The following PARD6G variants were observed in gnomAD, a reference collection of about 807,000 sequenced individuals.
PARD6G encodes partitioning defective 6 homolog gamma.
A neutral mutation model predicts 10.7 loss-of-function variants in PARD6G; 7 were observed. That is an observed-to-expected ratio of 0.66 (90% CI 0.37 to 1.23). The LOEUF (loss-of-function observed/expected upper bound fraction) is 1.23, where lower values mean the gene tolerates loss of function less well. Among genes scored for constraint, PARD6G ranks in the 50% most tolerant of loss-of-function variants. The pLI, the probability that PARD6G is intolerant of heterozygous loss-of-function variation, is 0.02. For missense variants in PARD6G, 548 were observed against 571.8 expected, an observed-to-expected ratio of 0.96 and a Z score of 0.42; for synonymous variants, 287 against 269.4, an observed-to-expected ratio of 1.07 and a Z score of -0.64.
At chr18:80,174,557 T>C (rs1209353435) in intron 2 of PARD6G, among the ~76,000 whole-genome samples, 1 of 152,178 alleles carries the variant, frequency 6.6e-6, no homozygotes, top group Non-Finnish European at 1.5e-5. Context: ...CCACATTTAG[T>C]TCACACTCAG....
intron 1 of PARD6G, among the ~76,000 whole-genome samples, chr18:80,215,108 T>C (rs953781687): frequency 7.9e-5 from 12 of 151,946 alleles, no homozygotes; most frequent in African/African-American, 2.9e-4. Context: ...GATAATTCTA[T>C]ATCCGGCTAA....
At chr18:80,216,737 C>CA (rs1967171136) in intron 1 of PARD6G, among the ~76,000 whole-genome samples, 2 of 151,868 alleles carry the variant, frequency 1.3e-5, no homozygotes, top group South Asian at 4.2e-4. Context: ...TAATCTAAAG[C>CA]AAGCAGAAAG....
Position 80,247,221 on chromosome 18 carries a change from C to T in PARD6G, c.72+56G>A. On this transcript the variant is annotated intron_variant, in intron 1 of 2. Coordinates refer to ENST00000353265, the MANE Select transcript of PARD6G (RefSeq NM_032510.4). This position sits in a 1 kb window ranked among gnomAD's most constrained non-coding sequence, Gnocchi z 4.2. ...CCCCAGTCCCCCTCCGCGGGGCGCC[C>T]CATTCATTAGCCAGGAGACTGGGCG... 1 of 1,418,404 alleles carries T rather than the reference C, an allele frequency of 7.1e-7. No homozygotes were observed. Among genetic ancestry groups the T allele is most frequent in the Non-Finnish European group, 9.6e-7 (1 of 1,038,944 alleles). 87.9% of individuals were successfully genotyped at this position (1,418,404 alleles called of 1,614,324 possible). A position where few individuals can be genotyped will look rare whatever the true frequency, so the allele number is the denominator to read the frequency against.
At position 80,201,518 on chromosome 18, in the gene PARD6G, G is replaced by A. The variant is rs1304165248; in HGVS notation, c.295+1192C>T. On this transcript the variant is annotated intron_variant, in intron 2 of 2. Coordinates refer to ENST00000353265, the MANE Select transcript of PARD6G (RefSeq NM_032510.4). This position sits in a 1 kb window ranked among gnomAD's most constrained non-coding sequence, Gnocchi z 5.9. ...AGGCCACTGTGAGGAAGTGACAGCT[G>A]TGTTGACTTCTCAGCACCGTCAGCA... 6.6e-6 allele frequency among the ~76,000 whole-genome samples: 1 copy of A among 152,236 alleles called. No individual in the cohort carries two copies. The highest frequency in any genetic ancestry group is 1.5e-5 in the Non-Finnish European group (1 of 68,038).
At chr18:80,195,559 A>ATATG (rs1568434483) in intron 2 of PARD6G, among the ~76,000 whole-genome samples, 15 of 95,848 alleles carry the variant, frequency 1.6e-4, no homozygotes, top group African/African-American at 7.1e-4. Flanking sequence ...ATATATATAT[A>ATATG]TATATATATA....
intron 2 of PARD6G, among the ~76,000 whole-genome samples, chr18:80,173,759 G>A (rs1236815965): frequency 2.0e-5 from 3 of 152,160 alleles, no homozygotes; most frequent in Admixed American, 2.0e-4. Flanking sequence ...TAAAAATAAA[G>A]CGAACCCAGA....
chr18:80,212,896 A>T (rs12964953), intron 1 of PARD6G, among the ~76,000 whole-genome samples: 29,235 of 151,788 alleles, frequency 0.19, 3,001 homozygotes, highest in Middle Eastern at 0.29. Flanking sequence ...AAAAAAAAAA[A>T]TTATCTTGTT....
rs1482936263 is a variant in PARD6G at position 80,161,773 on chromosome 18, G to C, written c.296-1167C>G. On this transcript the variant is annotated intron_variant, in intron 2 of 2. Transcript: ENST00000353265. This position sits in a 1 kb window ranked among gnomAD's most constrained non-coding sequence, Gnocchi z 4.6. The stretch of plus-strand genomic sequence containing the variant: ...TTGCCAGTGAAAGCCAGTAGGACCG[G>C]GAGCCCAGGCAGAAGCAATGCCATA... 5 of 152,166 alleles carry C rather than the reference G, an allele frequency of 3.3e-5. No homozygotes were observed. The highest frequency in any genetic ancestry group is 1.2e-4 in the African/African-American group (5 of 41,414). 9.4% of individuals were successfully genotyped at this position (152,166 alleles called of 1,614,324 possible). A position where few individuals can be genotyped will look rare whatever the true frequency, so the allele number is the denominator to read the frequency against.
intron 2 of PARD6G, chr18:80,169,750 G>T (rs897649839): frequency 2.0e-5 from 3 of 152,232 alleles, no homozygotes; most frequent in Admixed American, 6.5e-5. Context: ...AGGGGATTCA[G>T]AGCTCACGCA....
intron 1 of PARD6G, among the ~76,000 whole-genome samples, chr18:80,222,237 G>A (rs117916614): frequency 5.9e-5 from 9 of 151,680 alleles, no homozygotes; most frequent in Non-Finnish European, 1.0e-4. Flanking sequence ...GGCATGCGCC[G>A]CCACACCTGG....
chr18:80,214,529 G>A (rs531795403), intron 1 of PARD6G, among the ~76,000 whole-genome samples: 1 of 152,068 alleles, frequency 6.6e-6, no homozygotes, highest in African/African-American at 2.4e-5. Context: ...AATTATAAAA[G>A]TAGACCCAAG....
At chr18:80,171,269 G>A (rs918872300) in intron 2 of PARD6G, 8 of 152,206 alleles carry the variant, frequency 5.3e-5, no homozygotes, top group Non-Finnish European at 5.9e-5. Context: ...GGCGTCCCTC[G>A]TCGGGTAGTG....
At chr18:80,234,643 T>C (rs1205572758) in intron 1 of PARD6G, among the ~76,000 whole-genome samples, 1 of 151,912 alleles carries the variant, frequency 6.6e-6, no homozygotes. Context: ...CATGGTGGTG[T>C]GCACCTGTAG....
chr18:80,216,818 A>C (rs761495288), intron 1 of PARD6G, among the ~76,000 whole-genome samples: 17 of 152,170 alleles, frequency 1.1e-4, no homozygotes, highest in South Asian at 2.1e-4. Context: ...CAAAATCAAA[A>C]GTTGGTTATT....
chr18:80,185,955 T>A (rs1256852204), intron 2 of PARD6G, among the ~76,000 whole-genome samples: 1 of 93,838 alleles, frequency 1.1e-5, no homozygotes, highest in Non-Finnish European at 2.1e-5. Flanking sequence ...CACGCACGCA[T>A]GCACCCACAC....
At chr18:80,216,074 C>T (rs912912435) in intron 1 of PARD6G, among the ~76,000 whole-genome samples, 2 of 151,972 alleles carry the variant, frequency 1.3e-5, no homozygotes, top group African/African-American at 2.4e-5. Flanking sequence ...CAATTATAAA[C>T]ATATATACAT....
Position 80,238,676 on chromosome 18 carries a change from T to G in PARD6G, c.72+8601A>C, listed in dbSNP as rs550463321. ...CATCTTGACCACCAAGCCGTACACT[T>G]AAGATGAGTGTATTTCACTGTAATA... On this transcript the variant is annotated intron_variant, in intron 1 of 2. Coordinates refer to ENST00000353265, the MANE Select transcript of PARD6G (RefSeq NM_032510.4). Among the ~76,000 whole-genome samples the G allele has an allele frequency of 8.5e-5, 13 of 152,216 alleles. No homozygotes were observed. The South Asian group carries it at 2.7e-3, about 32-fold the overall frequency.
At chr18:80,238,548 A>G (rs1468506644) in intron 1 of PARD6G, among the ~76,000 whole-genome samples, 1 of 152,098 alleles carries the variant, frequency 6.6e-6, no homozygotes, top group Non-Finnish European at 1.5e-5. Flanking sequence ...AATAAAAACA[A>G]AAAACTGGTC....
chr18:80,242,449 G>A (rs1487448896), intron 1 of PARD6G, among the ~76,000 whole-genome samples: 3 of 152,196 alleles, frequency 2.0e-5, no homozygotes, highest in Admixed American at 6.5e-5. Context: ...GGCAGCCAAC[G>A]GCCTCAGCCA....
Sources: gnomAD v4.1 joint callset for allele counts (sites outside exome capture counted in the v4.1 genomes callset) on GRCh38, gnomAD v4.1.1 for gene constraint, Gnocchi (gnomAD v3.1) non-coding constraint, MANE v1.5 for transcripts, NCBI Gene and HGNC (gene_info 2026-07-23, HGNC 2026-07-21) for gene names.